The following SLC9A2 variants were observed in gnomAD, a reference collection of about 807,000 sequenced individuals.
The protein encoded by SLC9A2 is solute carrier family 9 member A2.
Under a neutral mutation model 71.7 loss-of-function variants are expected in SLC9A2, and 42 were observed. The observed-to-expected ratio is 0.59, with a 90% CI of 0.46 to 0.76. The LOEUF is 0.76. SLC9A2 is among the 30% of genes least tolerant of loss of function. The pLI, the probability that SLC9A2 is intolerant of heterozygous loss-of-function variation, is 0.00. For missense variants in SLC9A2, 829 were observed against 1,017.4 expected (o/e 0.81, Z 2.52); for synonymous variants, 396 against 392.5 (o/e 1.01, Z -0.10).
At chr2:102,659,826 C>G (rs141916827) in intron 2 of SLC9A2, among the ~76,000 whole-genome samples, 2 of 152,162 alleles carry the variant, frequency 1.3e-5, no homozygotes, top group East Asian at 1.9e-4. Flanking sequence ...ATGCTCGATA[C>G]GTAAATTTTA....
chr2:102,704,789 G>C, intron 10 of SLC9A2, 114 bp downstream of exon 10: 1 of 1,204,400 alleles, frequency 8.3e-7, no homozygotes. Context: ...ACAGTTCTCT[G>C]AGGAGCTGCA....
chr2:102,698,115 T>A (rs891924055), intron 7 of SLC9A2, among the ~76,000 whole-genome samples: 1 of 152,164 alleles, frequency 6.6e-6, no homozygotes, highest in African/African-American at 2.4e-5. Context: ...AAAACAACAA[T>A]AATAATAAAA....
chr2:102,675,603 C>T (rs1266105897), intron 3 of SLC9A2, among the ~76,000 whole-genome samples: 3 of 151,848 alleles, frequency 2.0e-5, no homozygotes, highest in Non-Finnish European at 2.9e-5. Flanking sequence ...GGATAAGGTG[C>T]CTAGGTAGAG....
intron 3 of SLC9A2, among the ~76,000 whole-genome samples, chr2:102,668,511 A>G (rs1334965921): frequency 6.6e-6 from 1 of 152,190 alleles, no homozygotes; most frequent in Non-Finnish European, 1.5e-5. Context: ...CTTAAATTGT[A>G]CTGAGTTTAG....
intron 7 of SLC9A2, among the ~76,000 whole-genome samples, chr2:102,700,114 A>G (rs1677845476): frequency 6.6e-6 from 1 of 152,148 alleles, no homozygotes; most frequent in Non-Finnish European, 1.5e-5. Context: ...AGGATTTTTG[A>G]CCTGGTGGAG....
chr2:102,655,869 A>G (rs1676929636), intron 1 of SLC9A2, among the ~76,000 whole-genome samples: 1 of 152,226 alleles, frequency 6.6e-6, no homozygotes, highest in Non-Finnish European at 1.5e-5. Context: ...TCAGCCTCAC[A>G]TGGCAGAAGG....
intron 8 of SLC9A2, 124 bp downstream of exon 8, chr2:102,701,355 G>A (rs770897786): frequency 8.2e-5 from 59 of 722,398 alleles, no homozygotes; most frequent in Middle Eastern, 8.3e-4. Flanking sequence ...GCCTCCCAGA[G>A]TGCTGGGATT....
chr2:102,704,797 G>GCAGGC (rs1269114934), intron 10 of SLC9A2, 122 bp downstream of exon 10: 1 of 1,105,076 alleles, frequency 9.0e-7, no homozygotes, highest in African/African-American at 1.6e-5. Context: ...CTGAGGAGCT[G>GCAGGC]CAGGAAGGCT....
chr2:102,663,608 G>T (rs1393692535), intron 2 of SLC9A2, among the ~76,000 whole-genome samples: 2 of 152,228 alleles, frequency 1.3e-5, no homozygotes, highest in Non-Finnish European at 2.9e-5. Context: ...AGGAGGTCAG[G>T]AGACTTGGAT....
intron 1 of SLC9A2, among the ~76,000 whole-genome samples, chr2:102,629,939 A>G (rs1485444593): frequency 1.3e-5 from 2 of 152,136 alleles, no homozygotes; most frequent in Non-Finnish European, 2.9e-5. Context: ...TAGCTAATAC[A>G]TGTAAAGTGT....
intron 7 of SLC9A2, among the ~76,000 whole-genome samples, chr2:102,697,864 A>T (rs1295138144): frequency 6.6e-6 from 1 of 151,834 alleles, no homozygotes; most frequent in Non-Finnish European, 1.5e-5. Flanking sequence ...TGGTTCTGCC[A>T]GAGAATTCTT....
intron 3 of SLC9A2, among the ~76,000 whole-genome samples, chr2:102,665,629 C>T (rs1677119769): frequency 6.6e-6 from 1 of 151,690 alleles, no homozygotes; most frequent in Non-Finnish European, 1.5e-5. Flanking sequence ...AAAAAATTAG[C>T]CAGGCGTGGT....
intron 1 of SLC9A2, among the ~76,000 whole-genome samples, chr2:102,631,151 G>A (rs1377394712): frequency 6.6e-6 from 1 of 151,962 alleles, no homozygotes; most frequent in Admixed American, 6.6e-5. Flanking sequence ...TGTGATTCAA[G>A]TACTATAGAT....
chr2:102,638,984 G>A (rs1045930921), intron 1 of SLC9A2, among the ~76,000 whole-genome samples: 1 of 152,244 alleles, frequency 6.6e-6, no homozygotes, highest in Non-Finnish European at 1.5e-5. Context: ...AGGAGTTTGA[G>A]ACCAGCATGG....
Position 102,657,771 on chromosome 2 carries a change from T to C in SLC9A2, c.497T>C (p.Ile166Thr), listed in dbSNP as rs1204621661. The C allele has an allele frequency of 1.2e-6, 2 of 1,614,120 alleles. No homozygotes were observed. The highest frequency in any genetic ancestry group is 2.7e-5 in the African/African-American group (2 of 74,944). ...FMPTRPFFEN[I>T]GTIFWYAVVG... ...CCCACTCGCCCATTCTTTGAGAACA[T>C]TGGCACGATTTTCTGGTATGCTGTG... The change falls in exon 2 of 12, where the codon ATT (isoleucine) becomes ACT (threonine). Residue 166 changes from isoleucine (I) to threonine (T), a missense_variant. Physicochemically the swap from Ile to Thr is moderately conservative, Grantham distance 89. Coordinates refer to ENST00000233969, the MANE Select transcript of SLC9A2 (RefSeq NM_003048.6).
chr2:102,672,258 A>G (rs1677266763), intron 3 of SLC9A2, among the ~76,000 whole-genome samples: 1 of 152,230 alleles, frequency 6.6e-6, no homozygotes, highest in Non-Finnish European at 1.5e-5. Flanking sequence ...AGTTACATAA[A>G]TATGCTCTGA....
intron 1 of SLC9A2, among the ~76,000 whole-genome samples, chr2:102,630,205 C>A (rs1053683378): frequency 1.3e-5 from 2 of 151,934 alleles, no homozygotes; most frequent in African/African-American, 4.8e-5. Context: ...TACTTTTTAT[C>A]TCTTTCTGCC....
chr2:102,702,505 A>G lies in SLC9A2; in HGVS notation c.1845+3A>G. Reference sequence around the variant, plus strand: ...ATCTCTATCAAATCCGTCAGCGAGTAAGAATAATTTATGTAGCAAAATATT... The same window carrying G: ...ATCTCTATCAAATCCGTCAGCGAGTGAGAATAATTTATGTAGCAAAATATT... On this transcript the variant is annotated splice_donor_region_variant and intron_variant, in intron 9 of 11. Transcript: ENST00000233969. 6.5e-7 allele frequency: 1 copy of G among 1,537,074 alleles called. No individual in the cohort carries two copies.
chr2:102,657,165 CA>C lies in SLC9A2; in HGVS notation c.290-398del, dbSNP rs1413278913. On this transcript the variant is annotated intron_variant, in intron 1 of 11. Transcript: ENST00000233969. Reference sequence around the variant, plus strand: ...AGGTTGCAGTGAGCCGAGATTATGCCACTGTACTCCAGCCCAGGTGACAGAG... The same window carrying C: ...AGGTTGCAGTGAGCCGAGATTATGCCCTGTACTCCAGCCCAGGTGACAGAG... 7.3e-5 allele frequency among the ~76,000 whole-genome samples: 11 copies of C among 151,210 alleles called. No homozygotes were observed. The East Asian group carries it at 2.1e-3, about 29-fold the overall frequency.
Sources: allele counts gnomAD v4.1 joint callset (sites outside exome capture counted in the v4.1 genomes callset), GRCh38; gene constraint gnomAD v4.1.1; transcripts MANE v1.5; gene names NCBI Gene and HGNC (gene_info 2026-07-23, HGNC 2026-07-21).